Variants in C11orf97 observed in about 807,000 individuals in gnomAD.
The protein encoded by C11orf97 is uncharacterized protein C11orf97.
Under a neutral mutation model 16.2 loss-of-function variants are expected in C11orf97, and 15 were observed. The ratio of observed to expected loss-of-function variants is 0.93; its 90% confidence interval spans 0.62 to 1.43. The LOEUF (loss-of-function observed/expected upper bound fraction) is 1.43, where lower values mean the gene tolerates loss of function less well. Ranked by LOEUF, C11orf97 falls within the 40% of genes most tolerant of loss-of-function variation. The probability of loss-of-function intolerance (pLI) is 0.00; values close to 1 mark genes in which losing one functional copy is unlikely to be tolerated. For synonymous variants in C11orf97, 61 were observed against 65.7 expected (o/e 0.93, Z 0.34); for missense variants, 171 against 161.2 (o/e 1.06, Z -0.33).
intron 1 of C11orf97, among the ~76,000 whole-genome samples, chr11:94,514,940 T>TTTA (rs1329470453): frequency 1.3e-5 from 2 of 152,126 alleles, no homozygotes; most frequent in African/African-American, 4.8e-5. Flanking sequence ...CCACCGCGCC[T>TTTA]GGCCAATGTC....
intron 2 of C11orf97, among the ~76,000 whole-genome samples, chr11:94,518,935 G>T (rs181092326): frequency 6.6e-6 from 1 of 150,486 alleles, no homozygotes; most frequent in Admixed American, 6.6e-5. Context: ...TTTGGATGGA[G>T]TCTCACTCTG....
At chr11:94,527,591 T>C (rs937445856) in intron 2 of C11orf97, among the ~76,000 whole-genome samples, 1 of 152,244 alleles carries the variant, frequency 6.6e-6, no homozygotes. Flanking sequence ...GAGTTTATTG[T>C]TGCTCTTTTT....
chr11:94,514,749 A>G (rs2135176736), intron 1 of C11orf97, among the ~76,000 whole-genome samples: 1 of 146,460 alleles, frequency 6.8e-6, no homozygotes, highest in Admixed American at 7.1e-5. Context: ...GGTTCAAGCA[A>G]TTCTTTGGCC....
At chr11:94,516,029 A>G (rs1947609384) in intron 1 of C11orf97, among the ~76,000 whole-genome samples, 1 of 152,196 alleles carries the variant, frequency 6.6e-6, no homozygotes, top group Non-Finnish European at 1.5e-5. Flanking sequence ...GGCTTCAGTA[A>G]TGCTGATCCC....
At chr11:94,520,152 G>C (rs182286261) in intron 2 of C11orf97, among the ~76,000 whole-genome samples, 1 of 152,286 alleles carries the variant, frequency 6.6e-6, no homozygotes, top group African/African-American at 2.4e-5. Context: ...CATGAGTCCA[G>C]GGAAACTGTT....
chr11:94,530,139 A>G, intron 3 of C11orf97, among the ~76,000 whole-genome samples: 1 of 152,224 alleles, frequency 6.6e-6, no homozygotes, highest in South Asian at 2.1e-4. Context: ...TTTGATCATA[A>G]TTGCATTCCT....
chr11:94,515,870 A>T (rs1230394789), intron 1 of C11orf97, among the ~76,000 whole-genome samples: 1 of 152,158 alleles, frequency 6.6e-6, no homozygotes, highest in African/African-American at 2.4e-5. Context: ...TCCTAGCACC[A>T]GGGCTGAAAT....
chr11:94,518,851 G>A (rs1044318856), intron 2 of C11orf97, among the ~76,000 whole-genome samples: 1 of 152,136 alleles, frequency 6.6e-6, no homozygotes, highest in African/African-American at 2.4e-5. Flanking sequence ...TCCTAAGAGA[G>A]AGGCTGCAGG....
intron 2 of C11orf97, among the ~76,000 whole-genome samples, chr11:94,524,294 A>G (rs1047125041): frequency 6.6e-6 from 1 of 152,280 alleles, no homozygotes; most frequent in Non-Finnish European, 1.5e-5. Flanking sequence ...TGATACTTGG[A>G]TGCAGGTTTG....
At chr11:94,523,106 C>T (rs995447962) in intron 2 of C11orf97, among the ~76,000 whole-genome samples, 1 of 152,164 alleles carries the variant, frequency 6.6e-6, no homozygotes. Flanking sequence ...AATTGTTTCT[C>T]TTGTATGATG....
chr11:94,512,489 A>G lies in C11orf97; in HGVS notation c.-40A>G. On this transcript the variant is annotated 5_prime_UTR_variant, in exon 1 of 4. Transcript: ENST00000542198. ...CTGGGCTGCCTGCGACTGAGCTGAG[A>G]AGGAAACCGTGCCCAGGGCTCTCGG... The G allele has an allele frequency of 1.6e-6, 2 of 1,269,270 alleles. No individual in the cohort carries two copies. The highest frequency in any genetic ancestry group is 2.0e-6 in the Non-Finnish European group (2 of 1,007,076). The allele number at this position is 1,269,270 out of a possible 1,614,324, so 78.6% of individuals were successfully genotyped here. A position where few individuals can be genotyped will look rare whatever the true frequency, so the allele number is the denominator to read the frequency against.
intron 2 of C11orf97, among the ~76,000 whole-genome samples, chr11:94,519,679 G>C (rs1947642555): frequency 6.6e-6 from 1 of 152,214 alleles, no homozygotes; most frequent in Non-Finnish European, 1.5e-5. Context: ...ACATCCACTA[G>C]AGGTCGCACA....
At chr11:94,526,099 G>C (rs1199634150) in intron 2 of C11orf97, among the ~76,000 whole-genome samples, 1 of 152,156 alleles carries the variant, frequency 6.6e-6, no homozygotes, top group Non-Finnish European at 1.5e-5. Flanking sequence ...GACACTTGAA[G>C]TCTTTCTGGC....
intron 3 of C11orf97, among the ~76,000 whole-genome samples, chr11:94,529,184 C>T (rs948921164): frequency 3.9e-5 from 6 of 152,186 alleles, no homozygotes; most frequent in African/African-American, 1.2e-4. Flanking sequence ...CCACTAGACA[C>T]TACTGCATCT....
chr11:94,517,564 T>C lies in C11orf97; in HGVS notation c.146-19T>C. 1.4e-6 allele frequency: 2 copies of C among 1,432,350 alleles called. No individual in the cohort carries two copies. The highest frequency in any genetic ancestry group is 1.9e-6 in the Non-Finnish European group (2 of 1,068,060). The allele number at this position is 1,432,350 out of a possible 1,614,324, so 88.7% of individuals were successfully genotyped here. A position where few individuals can be genotyped will look rare whatever the true frequency, so the allele number is the denominator to read the frequency against. ...GCAGTATTTATACTAAGTAATTGATTTTGTTAATGCCTTTATAGGGAAGAA... is the reference window on the plus strand; with the variant it reads ...GCAGTATTTATACTAAGTAATTGATCTTGTTAATGCCTTTATAGGGAAGAA... On this transcript the variant is annotated intron_variant, in intron 1 of 3. Coordinates refer to ENST00000542198, the MANE Select transcript of C11orf97 (RefSeq NM_001190462.2).
intron 2 of C11orf97, among the ~76,000 whole-genome samples, chr11:94,520,740 A>G (rs1947651486): frequency 6.6e-6 from 1 of 152,162 alleles, no homozygotes. Context: ...ATCCCCCACC[A>G]GCACCGTTGC....
chr11:94,524,879 T>C (rs1196630043), intron 2 of C11orf97, among the ~76,000 whole-genome samples: 2 of 151,936 alleles, frequency 1.3e-5, no homozygotes, highest in African/African-American at 4.8e-5. Context: ...GGCAACATGG[T>C]GAAACCTCGT....
rs536982158 is a variant in C11orf97, at chr11:94,523,547, A to T, written c.251-4537A>T. The stretch of plus-strand genomic sequence containing the variant: ...TCTGTCCTGGAAGTAAACAACTTAA[A>T]TTATAGCACGTTTTATTTTTGAATG... On this transcript the variant is annotated intron_variant, in intron 2 of 3. Transcript: ENST00000542198. Among the ~76,000 whole-genome samples the T allele has an allele frequency of 2.0e-5, 3 of 152,308 alleles. No individual in the cohort carries two copies. In the South Asian group the frequency reaches 6.2e-4, roughly 32 times the overall value.
At chr11:94,513,040 C>G (rs1301092967) in intron 1 of C11orf97, among the ~76,000 whole-genome samples, 7 of 152,116 alleles carry the variant, frequency 4.6e-5, no homozygotes, top group African/African-American at 1.7e-4. Context: ...CGTATACACC[C>G]TTAGAAACAC....
Sources: gnomAD v4.1 joint callset for allele counts (sites outside exome capture counted in the v4.1 genomes callset) on GRCh38, gnomAD v4.1.1 for gene constraint, MANE v1.5 for transcripts, NCBI Gene and HGNC (gene_info 2026-07-23, HGNC 2026-07-21) for gene names.